GLIPR1L2: variants seen among roughly 807,000 people sequenced by gnomAD.
GLIPR1L2 encodes the protein GLIPR1-like protein 2.
Under a neutral mutation model 28.4 loss-of-function variants are expected in GLIPR1L2, and 21 were observed. The observed-to-expected ratio is 0.74, with a 90% CI of 0.52 to 1.06. GLIPR1L2 has a LOEUF of 1.06. Ranked by LOEUF, GLIPR1L2 falls within the 50% of genes least tolerant of loss-of-function variation. The pLI, the probability that GLIPR1L2 is intolerant of heterozygous loss-of-function variation, is 0.00. For missense variants in GLIPR1L2, 476 were observed against 416.9 expected (o/e 1.14, Z -1.23); for synonymous variants, 145 against 139.3 (o/e 1.04, Z -0.29).
At chr12:75,391,752 G>C (rs1017214069) in intron 1 of GLIPR1L2, among the ~76,000 whole-genome samples, 5 of 152,142 alleles carry the variant, frequency 3.3e-5, no homozygotes, top group African/African-American at 1.2e-4. Flanking sequence ...GGAAAAACAA[G>C]TGCGACACTC....
At chr12:75,391,663 C>A in intron 1 of GLIPR1L2, 3 of 630,926 alleles carry the variant, frequency 4.8e-6, no homozygotes, top group African/African-American at 1.9e-5. Context: ...AATTAAAAAT[C>A]AGTGCAAAAA....
rs1252007374 is a variant in GLIPR1L2, at chr12:75,412,952, C to T, written c.481-646C>T. Among the ~76,000 whole-genome samples the T allele has an allele frequency of 1.2e-3, 177 of 152,026 alleles. 3 individuals are homozygous for T. The highest frequency in any genetic ancestry group is 2.3e-3 in the South Asian group (11 of 4,814). On this transcript the variant is annotated intron_variant, in intron 2 of 5. Coordinates refer to ENST00000550916, the MANE Select transcript of GLIPR1L2 (RefSeq NM_001270396.2). ...AAAGACTTGGAACCAACCCAAATGT[C>T]CAACAACGATAGACTGGATTAAGAA...
intron 4 of GLIPR1L2, among the ~76,000 whole-genome samples, chr12:75,428,476 A>C (rs1210545465): frequency 6.6e-6 from 1 of 152,128 alleles, no homozygotes; most frequent in African/African-American, 2.4e-5. Flanking sequence ...AGCAGAGCAT[A>C]AAAGTTTGGA....
chr12:75,394,418 G>A (rs546630672), intron 1 of GLIPR1L2, among the ~76,000 whole-genome samples: 2 of 152,128 alleles, frequency 1.3e-5, no homozygotes, highest in African/African-American at 4.8e-5. Context: ...TGTATATTGT[G>A]TAAGGTAAGG....
chr12:75,394,763 C>CAAAAAA lies in GLIPR1L2; in HGVS notation c.234+3429_234+3434dup, dbSNP rs71078727. On this transcript the variant is annotated intron_variant, in intron 1 of 5. Coordinates refer to ENST00000550916, the MANE Select transcript of GLIPR1L2 (RefSeq NM_001270396.2). ...TTTGAGATGTATTTTTGTATTTCTG[C>CAAAAAA]AAAAAAAAAAAAAAAAAAAAACATT... 4.0e-3 allele frequency among the ~76,000 whole-genome samples: 322 copies of CAAAAAA among 80,248 alleles called. 22 individuals are homozygous for CAAAAAA. Among genetic ancestry groups the CAAAAAA allele is most frequent in the African/African-American group, 0.014 (297 of 21,000 alleles). The allele number at this position is 80,248 out of a possible 152,430, so 52.6% of individuals were successfully genotyped here.
intron 1 of GLIPR1L2, among the ~76,000 whole-genome samples, chr12:75,392,292 CA>C (rs1436262728): frequency 2.6e-5 from 4 of 152,150 alleles, no homozygotes; most frequent in African/African-American, 9.7e-5. Flanking sequence ...CCAAATTTAG[CA>C]AATACCAGCT....
At chr12:75,399,711 A>C (rs1344304712) in intron 1 of GLIPR1L2, among the ~76,000 whole-genome samples, 1 of 152,090 alleles carries the variant, frequency 6.6e-6, no homozygotes, top group Admixed American at 6.5e-5. Context: ...ATTTTTTGCT[A>C]TTCAGACTTT....
chr12:75,432,276 A>G lies in GLIPR1L2; in HGVS notation c.*1115A>G, dbSNP rs1255971014. On this transcript the variant is annotated 3_prime_UTR_variant, in exon 6 of 6. Coordinates refer to ENST00000550916, the MANE Select transcript of GLIPR1L2 (RefSeq NM_001270396.2). Reference sequence around the variant, plus strand: ...CCATACTCAGCTGTCTTATTGTTGCACACTTATTAGAACTCAATGTGACTG... The same window carrying G: ...CCATACTCAGCTGTCTTATTGTTGCGCACTTATTAGAACTCAATGTGACTG... 2 of 152,278 alleles carry G rather than the reference A, an allele frequency of 1.3e-5. No individual in the cohort carries two copies. Among genetic ancestry groups the G allele is most frequent in the Middle Eastern group, 3.4e-3 (1 of 294 alleles). 9.4% of individuals were successfully genotyped at this position (152,278 alleles called of 1,614,324 possible). A position where few individuals can be genotyped will look rare whatever the true frequency, so the allele number is the denominator to read the frequency against.
intron 1 of GLIPR1L2, among the ~76,000 whole-genome samples, chr12:75,401,319 GAAAC>G (rs962297956): frequency 1.8e-4 from 27 of 148,194 alleles, no homozygotes; most frequent in African/African-American, 6.7e-4. Flanking sequence ...TTAAAAAAGA[GAAAC>G]AATATTATAA....
rs746701706 is a variant in GLIPR1L2, at chr12:75,391,179, G to A, written c.63G>A (p.Gly21=). The change falls in exon 1 of 6, where the codon GGG becomes GGA. Residue 21 remains glycine (G), a synonymous_variant. Transcript: ENST00000550916. ...WRAQSLPLAV[G]GVLKLRLCEL... is the part of the protein sequence containing the mutation. ...CCCAGTCCCTACCCCTGGCAGTAGG[G>A]GGCGTTTTGAAGCTGCGGCTCTGTG... 9.9e-6 allele frequency: 16 copies of A among 1,614,090 alleles called. No individual in the cohort carries two copies. The highest frequency in any genetic ancestry group is 1.6e-4 in the Middle Eastern group (1 of 6,080).
chr12:75,393,166 G>A (rs186819264), intron 1 of GLIPR1L2, among the ~76,000 whole-genome samples: 316 of 151,962 alleles, frequency 2.1e-3, no homozygotes, highest in African/African-American at 7.1e-3. Flanking sequence ...TGCTATTGCC[G>A]TGTAGTACTT....
intron 4 of GLIPR1L2, among the ~76,000 whole-genome samples, chr12:75,425,435 ATGACT>A (rs1456540339): frequency 6.6e-6 from 1 of 152,142 alleles, no homozygotes; most frequent in East Asian, 1.9e-4. Context: ...TGTGGGGAAG[ATGACT>A]TGACATGGGT....
chr12:75,395,907 T>C (rs892009973), intron 1 of GLIPR1L2, among the ~76,000 whole-genome samples: 3 of 152,080 alleles, frequency 2.0e-5, no homozygotes, highest in Admixed American at 1.3e-4. Flanking sequence ...CTTCCTCTGG[T>C]AACTTTGGGT....
At chr12:75,406,523 G>C (rs1433170019) in intron 1 of GLIPR1L2, among the ~76,000 whole-genome samples, 1 of 152,002 alleles carries the variant, frequency 6.6e-6, no homozygotes, top group East Asian at 1.9e-4. Flanking sequence ...TTGGGAGGCT[G>C]AGGTGGGAGG....
At chr12:75,403,560 G>A (rs552403992) in intron 1 of GLIPR1L2, among the ~76,000 whole-genome samples, 1 of 152,022 alleles carries the variant, frequency 6.6e-6, no homozygotes, top group Non-Finnish European at 1.5e-5. Flanking sequence ...TTCCTTTTTT[G>A]TTGGTGTGAA....
chr12:75,425,678 C>T (rs1286905707), intron 4 of GLIPR1L2, among the ~76,000 whole-genome samples: 1 of 152,182 alleles, frequency 6.6e-6, no homozygotes, highest in Admixed American at 6.5e-5. Context: ...TGTAACCTGA[C>T]ATCACTTATT....
intron 3 of GLIPR1L2, among the ~76,000 whole-genome samples, chr12:75,419,624 G>C (rs1212964179): frequency 6.6e-6 from 1 of 152,166 alleles, no homozygotes; most frequent in Non-Finnish European, 1.5e-5. Flanking sequence ...TTAGAGGATG[G>C]CACAGCTAAA....
chr12:75,398,135 G>C (rs61932178), intron 1 of GLIPR1L2, among the ~76,000 whole-genome samples: 25,568 of 151,502 alleles, frequency 0.17, 2,351 homozygotes, highest in Admixed American at 0.24. Flanking sequence ...GTTCTGACCA[G>C]CCTGGCCAAC....
chr12:75,397,517 G>A (rs2045693754), intron 1 of GLIPR1L2, among the ~76,000 whole-genome samples: 1 of 152,136 alleles, frequency 6.6e-6, no homozygotes, highest in African/African-American at 2.4e-5. Flanking sequence ...TGTCCAAATA[G>A]TGGAAAAATA....
Sources: allele counts gnomAD v4.1 joint callset (sites outside exome capture counted in the v4.1 genomes callset), GRCh38; gene constraint gnomAD v4.1.1; transcripts MANE v1.5; gene names NCBI Gene and HGNC (gene_info 2026-07-23, HGNC 2026-07-21).